Variants in TASP1 observed in about 807,000 individuals in gnomAD.
TASP1 encodes threonine aspartase 1.
TASP1 carries 16 observed loss-of-function variants against 56.6 expected under a neutral mutation model. The observed-to-expected ratio is 0.28, with a 90% CI of 0.19 to 0.43. The LOEUF (loss-of-function observed/expected upper bound fraction) is 0.43. Ranked by LOEUF, TASP1 falls within the 20% of genes least tolerant of loss-of-function variation. The pLI, the probability that TASP1 is intolerant of heterozygous loss-of-function variation, is 1.00. For missense variants in TASP1, 393 were observed against 511.6 expected, an observed-to-expected ratio of 0.77 and a Z score of 2.24; for synonymous variants, 179 against 184.2, an observed-to-expected ratio of 0.97 and a Z score of 0.23.
the TASP1 span, among the ~76,000 whole-genome samples, chr20:13,177,456 C>A: frequency 6.6e-6 from 1 of 152,000 alleles, no homozygotes; most frequent in Non-Finnish European, 1.5e-5. Flanking sequence ...ATAGTGAAAA[C>A]AATCCTGAGC....
chr20:13,301,677 G>T, the TASP1 span, among the ~76,000 whole-genome samples: 100 of 152,162 alleles, frequency 6.6e-4, 1 homozygote, highest in Non-Finnish European at 4.0e-4. Flanking sequence ...ATATAGATTT[G>T]GTTTATAATA....
intron 11 of TASP1, among the ~76,000 whole-genome samples, chr20:13,458,341 T>C (rs2043923443): frequency 6.6e-6 from 1 of 152,100 alleles, no homozygotes; most frequent in East Asian, 1.9e-4. Context: ...TTTGTTGTTG[T>C]TGTTTTCGTT....
At chr20:13,417,313 A>T (rs1340137307) in intron 13 of TASP1, 135 bp downstream of exon 13, 1 of 769,346 alleles carries the variant, frequency 1.3e-6, no homozygotes, top group Non-Finnish European at 2.1e-6. Flanking sequence ...AACTGTTCTT[A>T]TTCGGATGCT....
the TASP1 span, chr20:13,117,758 C>T: frequency 6.4e-7 from 1 of 1,566,174 alleles, no homozygotes; most frequent in Non-Finnish European, 8.7e-7. Context: ...CTGTTTAAAA[C>T]CTGAGCGCCC....
chr20:13,408,098 C>T (rs2041985048), intron 13 of TASP1, among the ~76,000 whole-genome samples: 1 of 151,624 alleles, frequency 6.6e-6, no homozygotes, highest in South Asian at 2.1e-4. Context: ...CTTTTGTTGC[C>T]TGTGCTTTTG....
intron 12 of TASP1, among the ~76,000 whole-genome samples, chr20:13,429,080 C>G (rs2042713425): frequency 6.6e-6 from 1 of 152,168 alleles, no homozygotes; most frequent in Non-Finnish European, 1.5e-5. Flanking sequence ...GTCACTGGAG[C>G]TCAAAGACCT....
the TASP1 span, among the ~76,000 whole-genome samples, chr20:13,302,419 G>C: frequency 1.2e-4 from 18 of 152,106 alleles, no homozygotes; most frequent in Non-Finnish European, 2.1e-4. Flanking sequence ...TGCTTTAGTG[G>C]GCCAATGAGT....
chr20:13,438,905 A>G (rs1474650235), intron 11 of TASP1, among the ~76,000 whole-genome samples: 1 of 152,242 alleles, frequency 6.6e-6, no homozygotes, highest in African/African-American at 2.4e-5. Flanking sequence ...ACATGAAAAA[A>G]TGCTCATCAT....
At chr20:13,174,685 T>G in the TASP1 span, among the ~76,000 whole-genome samples, 2 of 145,786 alleles carry the variant, frequency 1.4e-5, no homozygotes, top group South Asian at 2.3e-4. Flanking sequence ...GGTGACAGAG[T>G]GAAACCTTGT....
the TASP1 span, chr20:13,221,875 C>G: frequency 5.7e-6 from 8 of 1,413,772 alleles, no homozygotes; most frequent in South Asian, 4.5e-5. Context: ...CCGACGGGCC[C>G]GACGCGGCCG....
At chr20:13,118,884 C>T in the TASP1 span, among the ~76,000 whole-genome samples, 19 of 152,240 alleles carry the variant, frequency 1.2e-4, no homozygotes, top group Admixed American at 1.1e-3. Flanking sequence ...CCATGAAATG[C>T]ACAGATGCTT....
chr20:13,368,184 A>C, the TASP1 span: 2 of 152,046 alleles, frequency 1.3e-5, no homozygotes, highest in Non-Finnish European at 2.9e-5. Flanking sequence ...AAGAACAGAA[A>C]CTCCCAGGTG....
chr20:13,475,689 G>T lies in TASP1; in HGVS notation c.985+7538C>A, dbSNP rs571867176. On this transcript the variant is annotated intron_variant, in intron 11 of 13. Transcript: ENST00000337743. ...GTTGGGGGATCACCTGAGGTCAGGA[G>T]TTTGAGACCAGCCTGGCCAACATGG... is the stretch of plus-strand genomic sequence containing the variant. Among the ~76,000 whole-genome samples, 12 of 152,266 alleles carry T rather than the reference G, an allele frequency of 7.9e-5. No homozygotes were observed. In the South Asian group the frequency reaches 2.5e-3, roughly 32 times the overall value.
chr20:13,291,036 G>A, the TASP1 span, among the ~76,000 whole-genome samples: 1 of 152,206 alleles, frequency 6.6e-6, no homozygotes, highest in Non-Finnish European at 1.5e-5. Flanking sequence ...TTGAAGTCAA[G>A]GTTTGGGGGC....
chr20:13,163,616 T>C, the TASP1 span, among the ~76,000 whole-genome samples: 3,598 of 152,192 alleles, frequency 0.024, 68 homozygotes, highest in South Asian at 0.033. Context: ...GGAAGAACAT[T>C]TTAAATACTC....
At chr20:13,155,649 AC>A in the TASP1 span, among the ~76,000 whole-genome samples, 4 of 151,938 alleles carry the variant, frequency 2.6e-5, no homozygotes, top group Non-Finnish European at 5.9e-5. Flanking sequence ...ACATGGTGAA[AC>A]CCCGTGTCTA....
chr20:13,351,689 TG>T, the TASP1 span, among the ~76,000 whole-genome samples: 1 of 152,200 alleles, frequency 6.6e-6, no homozygotes, highest in Admixed American at 6.5e-5. Flanking sequence ...TGGAACTGTC[TG>T]TACTATAATT....
At chr20:13,497,584 C>T (rs1472739166) in intron 10 of TASP1, among the ~76,000 whole-genome samples, 1 of 152,106 alleles carries the variant, frequency 6.6e-6, no homozygotes, top group Non-Finnish European at 1.5e-5. Context: ...TGCTGGTGCT[C>T]GGATCCCAGC....
Position 13,451,167 on chromosome 20 carries a change from C to T in TASP1, c.986-16013G>A, listed in dbSNP as rs1358242841. Among the ~76,000 whole-genome samples the T allele has an allele frequency of 2.6e-5, 4 of 152,228 alleles. No homozygotes were observed. The South Asian group carries it at 8.3e-4, about 32-fold the overall frequency. On this transcript the variant is annotated intron_variant, in intron 11 of 13. Coordinates refer to ENST00000337743, the MANE Select transcript of TASP1 (RefSeq NM_017714.3). ...GTAAACTGTGCTGTAAACAGATGTG[C>T]TGTCATCTAGACTTTGTTGTCCCAT... is the stretch of plus-strand genomic sequence containing the variant.
Sources: gnomAD v4.1 joint callset for allele counts (sites outside exome capture counted in the v4.1 genomes callset) on GRCh38, gnomAD v4.1.1 for gene constraint, MANE v1.5 for transcripts, NCBI Gene and HGNC (gene_info 2026-07-23, HGNC 2026-07-21) for gene names.